The following MEOX2 variants were observed in gnomAD, a reference collection of about 807,000 sequenced individuals.
MEOX2 encodes mesenchyme homeobox 2.
MEOX2 carries 11 observed loss-of-function variants against 27.0 expected under a neutral mutation model. That is an observed-to-expected ratio of 0.41 (90% CI 0.26 to 0.68). The LOEUF is 0.68. Among genes scored for constraint, MEOX2 ranks in the 30% least tolerant of loss-of-function variants. The pLI, the probability that MEOX2 is intolerant of heterozygous loss-of-function variation, is 0.33. For synonymous variants in MEOX2, 189 were observed against 155.4 expected, an observed-to-expected ratio of 1.22 and a Z score of -1.61; for missense variants, 436 against 385.4, an observed-to-expected ratio of 1.13 and a Z score of -1.10.
chr7:15,659,052 T>G (rs1313026770), intron 1 of MEOX2, among the ~76,000 whole-genome samples: 1 of 152,128 alleles, frequency 6.6e-6, no homozygotes, highest in Admixed American at 6.5e-5. Flanking sequence ...CAGGGTGGAG[T>G]GCAGTGGCAT....
intron 1 of MEOX2, among the ~76,000 whole-genome samples, chr7:15,660,038 T>C (rs1562609051): frequency 1.3e-5 from 2 of 152,138 alleles, no homozygotes; most frequent in Admixed American, 6.5e-5. Flanking sequence ...ATCTATAATA[T>C]CATTGAGAGG....
intron 1 of MEOX2, among the ~76,000 whole-genome samples, chr7:15,670,569 TAGCC>T (rs1782078507): frequency 6.6e-6 from 1 of 152,314 alleles, no homozygotes; most frequent in Middle Eastern, 3.4e-3. Flanking sequence ...CATTCACTAG[TAGCC>T]ACATATATCT....
chr7:15,626,758 G>T lies in MEOX2; in HGVS notation c.678C>A (p.Leu226=), dbSNP rs1781314864. The change falls in exon 2 of 3, where the codon CTC becomes CTA. Residue 226 remains leucine (L), a synonymous_variant. Transcript: ENST00000262041. ...RRYEIAVNLD[L]TERQVKVWFQ... is the part of the protein sequence containing the mutation. ...TGCCCAGCTTTACCTGTCTTTCAGT[G>T]AGATCCAGATTCACTGCTATCTCGT... 1 of 1,607,268 alleles carries T rather than the reference G, an allele frequency of 6.2e-7. No homozygotes were observed. Among genetic ancestry groups the T allele is most frequent in the South Asian group, 1.1e-5 (1 of 90,494 alleles).
Position 15,686,337 on chromosome 7 carries a change from G to T in MEOX2, c.66C>A (p.Phe22Leu). 6.2e-7 allele frequency: 1 copy of T among 1,601,690 alleles called. No individual in the cohort carries two copies. The highest frequency in any genetic ancestry group is 8.5e-7 in the Non-Finnish European group (1 of 1,173,654). Residue 22 changes from phenylalanine (F) to leucine (L), a missense_variant, in exon 1 of 3, where the codon TTC becomes TTA. By Grantham distance (22) the Phe-to-Leu change is conservative (BLOSUM62 0). Transcript: ENST00000262041. ...PHATAQGLHP[F>L]SQSSLALHGR... ...CATGGAGGGCGAGAGAGGATTGGGA[G>T]AACGGGTGCAAGCCTTGCGCCGTGG...
Position 15,626,794 on chromosome 7 carries a change from T to G in MEOX2, c.642A>C (p.Arg214Ser). The change falls in exon 2 of 3, where the codon AGA becomes AGC. Residue 214 changes from arginine (R) to serine (S), a missense_variant. Physicochemically the swap from Arg to Ser is moderately radical, Grantham distance 110. Coordinates refer to ENST00000262041, the MANE Select transcript of MEOX2 (RefSeq NM_005924.5). ...AEFAHHNYLT[R>S]LRRYEIAVNL... is the part of the protein sequence containing the mutation. ...TCACTGCTATCTCGTATCGCCTCAG[T>G]CTGGTGAGATAATTATGATGGGCAA... is the stretch of plus-strand genomic sequence containing the variant. The G allele has an allele frequency of 3.7e-6, 6 of 1,609,656 alleles. No individual in the cohort carries two copies. Among genetic ancestry groups the G allele is most frequent in the Non-Finnish European group, 5.1e-6 (6 of 1,178,566 alleles).
intron 1 of MEOX2, among the ~76,000 whole-genome samples, chr7:15,650,803 G>A (rs534942163): frequency 6.6e-6 from 1 of 151,956 alleles, no homozygotes; most frequent in South Asian, 2.1e-4. Context: ...TAGCATGGAG[G>A]GATTTCCACA....
Position 15,685,893 on chromosome 7 carries a change from G to T in MEOX2, c.510C>A (p.Asp170Glu). Residue 170 changes from aspartate (D) to glutamate (E), a missense_variant, in exon 1 of 3, where the codon GAC (aspartate) becomes GAA (glutamate). By Grantham distance (45) the Asp-to-Glu change is conservative (BLOSUM62 2). Transcript: ENST00000262041. ...EKRSGGKRKSDSSDSQEGNYK... is the reference protein window; with the variant it reads ...EKRSGGKRKSESSDSQEGNYK... ...TGCCTGGCGCGCCCTTACCTGAGCT[G>T]TCGCTTTTCCTCTTGCCGCCGCTTC... The T allele has an allele frequency of 6.3e-7, 1 of 1,599,218 alleles. No individual in the cohort carries two copies. The highest frequency in any genetic ancestry group is 1.1e-5 in the South Asian group (1 of 88,736).
intron 2 of MEOX2, among the ~76,000 whole-genome samples, chr7:15,615,230 T>C (rs1036400738): frequency 1.3e-5 from 2 of 152,102 alleles, no homozygotes; most frequent in African/African-American, 4.8e-5. Flanking sequence ...CCATTATTCT[T>C]ATGTTATAGA....
chr7:15,668,510 T>A (rs938423346), intron 1 of MEOX2, among the ~76,000 whole-genome samples: 1 of 152,006 alleles, frequency 6.6e-6, no homozygotes, highest in Non-Finnish European at 1.5e-5. Context: ...GAGACAGAGT[T>A]TTGCTCTGTC....
At chr7:15,641,348 G>A (rs1054195849) in intron 1 of MEOX2, among the ~76,000 whole-genome samples, 12 of 151,810 alleles carry the variant, frequency 7.9e-5, no homozygotes, top group African/African-American at 2.7e-4. Context: ...ATAATTCAAT[G>A]TTCTTCCTTG....
At chr7:15,645,984 A>C (rs1267873399) in intron 1 of MEOX2, among the ~76,000 whole-genome samples, 3 of 152,152 alleles carry the variant, frequency 2.0e-5, no homozygotes, top group Middle Eastern at 3.2e-3. Context: ...GTAGATGCCT[A>C]ATACTCAAAA....
At chr7:15,643,857 G>A (rs1364870566) in intron 1 of MEOX2, among the ~76,000 whole-genome samples, 1 of 152,148 alleles carries the variant, frequency 6.6e-6, no homozygotes, top group Admixed American at 6.5e-5. Context: ...CTGGGGCACT[G>A]GGACCAGACC....
chr7:15,614,999 A>G (rs1464393140), intron 2 of MEOX2, among the ~76,000 whole-genome samples: 1 of 152,126 alleles, frequency 6.6e-6, no homozygotes, highest in Non-Finnish European at 1.5e-5. Flanking sequence ...TGTATCATAT[A>G]TTGCCCAAAC....
chr7:15,628,826 A>T (rs545285293), intron 1 of MEOX2, among the ~76,000 whole-genome samples: 29 of 152,198 alleles, frequency 1.9e-4, no homozygotes, highest in African/African-American at 7.0e-4. Context: ...TTTCCAAATG[A>T]TTGATTTTTT....
intron 2 of MEOX2, among the ~76,000 whole-genome samples, chr7:15,613,452 T>C (rs963721071): frequency 6.6e-6 from 1 of 151,660 alleles, no homozygotes; most frequent in Non-Finnish European, 1.5e-5. Context: ...TAGAATATAA[T>C]TGGCATTATT....
chr7:15,681,553 C>A (rs3801427), intron 1 of MEOX2: 2 of 151,708 alleles, frequency 1.3e-5, no homozygotes, highest in East Asian at 3.9e-4. Flanking sequence ...AAAGGATTGA[C>A]ATTTTCTGAT....
intron 2 of MEOX2, among the ~76,000 whole-genome samples, chr7:15,617,993 C>G (rs573189374): frequency 8.7e-4 from 132 of 152,156 alleles, no homozygotes; most frequent in African/African-American, 3.0e-3. Context: ...AAATTCCCCA[C>G]GACAGATTTG....
intron 1 of MEOX2, among the ~76,000 whole-genome samples, chr7:15,645,314 T>C (rs1781623577): frequency 6.6e-6 from 1 of 152,196 alleles, no homozygotes; most frequent in African/African-American, 2.4e-5. Context: ...AGATTTCTTT[T>C]TAATCATGTG....
At chr7:15,666,386 T>C (rs1438361319) in intron 1 of MEOX2, among the ~76,000 whole-genome samples, 2 of 152,184 alleles carry the variant, frequency 1.3e-5, no homozygotes, top group Non-Finnish European at 2.9e-5. Flanking sequence ...CTAGGAATTG[T>C]ATTTTTGAAA....
Sources: gnomAD v4.1 joint callset for allele counts (sites outside exome capture counted in the v4.1 genomes callset) on GRCh38, gnomAD v4.1.1 for gene constraint, MANE v1.5 for transcripts, NCBI Gene and HGNC (gene_info 2026-07-23, HGNC 2026-07-21) for gene names.